The following SYT9 variants were observed in gnomAD, a reference collection of about 807,000 sequenced individuals.
SYT9 encodes the protein synaptotagmin-9.
In SYT9, 22 loss-of-function variants were observed where a neutral mutation model predicts 48.4. The ratio of observed to expected loss-of-function variants is 0.45; its 90% confidence interval spans 0.32 to 0.65. SYT9 has a LOEUF of 0.65. Among genes scored for constraint, SYT9 ranks in the 30% least tolerant of loss-of-function variants. SYT9 has a pLI of 0.03. For synonymous variants in SYT9, 265 were observed against 245.0 expected, an observed-to-expected ratio of 1.08 and a Z score of -0.76; for missense variants, 577 against 622.0, an observed-to-expected ratio of 0.93 and a Z score of 0.77.
At chr11:7,419,027 G>A in intron 5 of SYT9, among the ~76,000 whole-genome samples, 1 of 152,346 alleles carries the variant, frequency 6.6e-6, no homozygotes, top group East Asian at 1.9e-4. Context: ...GCAGATGCCT[G>A]CGTGAAGCAT....
chr11:7,248,348 C>G (rs2119736986), upstream of SYT9, among the ~76,000 whole-genome samples: 1 of 151,888 alleles, frequency 6.6e-6, no homozygotes, highest in East Asian at 1.9e-4. Flanking sequence ...AGAAATGTAT[C>G]TATCTTTGTT....
chr11:7,402,603 T>C (rs1482250486), intron 3 of SYT9, among the ~76,000 whole-genome samples: 1 of 152,308 alleles, frequency 6.6e-6, no homozygotes, highest in East Asian at 1.9e-4. Context: ...TCCATGGAAA[T>C]GTTCCTTAGT....
At chr11:7,396,621 A>G (rs1846758090) in intron 3 of SYT9, among the ~76,000 whole-genome samples, 1 of 152,054 alleles carries the variant, frequency 6.6e-6, no homozygotes, top group South Asian at 2.1e-4. Flanking sequence ...GTGTGGGATT[A>G]CTGGGTCATT....
chr11:7,282,973 T>TGA (rs893082681), intron 1 of SYT9, among the ~76,000 whole-genome samples: 1 of 138,300 alleles, frequency 7.2e-6, no homozygotes, highest in South Asian at 2.3e-4. Flanking sequence ...AAACAGAGAT[T>TGA]GAGAGAGAGA....
intron 3 of SYT9, among the ~76,000 whole-genome samples, chr11:7,394,207 T>C (rs1018135528): frequency 1.3e-5 from 2 of 150,738 alleles, no homozygotes; most frequent in African/African-American, 4.9e-5. Context: ...TGAGAACATG[T>C]GGTATTTGGT....
At chr11:7,382,368 A>C (rs1850581655) in intron 3 of SYT9, among the ~76,000 whole-genome samples, 1 of 152,164 alleles carries the variant, frequency 6.6e-6, no homozygotes, top group Non-Finnish European at 1.5e-5. Context: ...CTGAGAGAAG[A>C]GGGGCAATAG....
chr11:7,261,802 T>G (rs1848085481), intron 1 of SYT9, among the ~76,000 whole-genome samples: 1 of 152,062 alleles, frequency 6.6e-6, no homozygotes, highest in East Asian at 1.9e-4. Flanking sequence ...TTAGTATGAC[T>G]GTAGTGAGGT....
At chr11:7,364,702 G>A (rs1171545998) in intron 3 of SYT9, among the ~76,000 whole-genome samples, 1 of 152,200 alleles carries the variant, frequency 6.6e-6, no homozygotes, top group Non-Finnish European at 1.5e-5. Flanking sequence ...TACAGTTCAT[G>A]TGGATATTTA....
chr11:7,442,715 A>C (rs936962526), intron 6 of SYT9, among the ~76,000 whole-genome samples: 1 of 152,216 alleles, frequency 6.6e-6, no homozygotes, highest in Non-Finnish European at 1.5e-5. Flanking sequence ...AATGACAAGC[A>C]TCTGTCTCTC....
At chr11:7,376,015 C>T (rs919361362) in intron 3 of SYT9, among the ~76,000 whole-genome samples, 1 of 151,964 alleles carries the variant, frequency 6.6e-6, no homozygotes, top group Non-Finnish European at 1.5e-5. Flanking sequence ...GTGCTGTCTC[C>T]CTTTTCTAAA....
chr11:7,436,900 T>C (rs1292034673), intron 6 of SYT9, among the ~76,000 whole-genome samples: 4 of 152,186 alleles, frequency 2.6e-5, no homozygotes, highest in African/African-American at 7.2e-5. Flanking sequence ...TTATCTCATC[T>C]CTCTGAGGAT....
At chr11:7,249,883 C>T (rs1211310146), upstream of SYT9, among the ~76,000 whole-genome samples, 5 of 152,206 alleles carry the variant, frequency 3.3e-5, no homozygotes, top group Non-Finnish European at 5.9e-5. Context: ...AGTTTTTTCT[C>T]TTTAAACTAT....
intron 3 of SYT9, among the ~76,000 whole-genome samples, chr11:7,345,950 G>A (rs1316132174): frequency 6.6e-6 from 1 of 152,204 alleles, no homozygotes; most frequent in African/African-American, 2.4e-5. Context: ...TTGTATCATG[G>A]AAGTCACTAG....
chr11:7,374,757 C>T (rs139657500), intron 3 of SYT9, among the ~76,000 whole-genome samples: 38,749 of 151,910 alleles, frequency 0.26, 6,184 homozygotes, highest in East Asian at 0.62. Context: ...ACCCACTTTT[C>T]GATGGGGTTG....
intron 3 of SYT9, among the ~76,000 whole-genome samples, chr11:7,408,662 G>T (rs1271005451): frequency 6.6e-6 from 1 of 152,162 alleles, no homozygotes; most frequent in Non-Finnish European, 1.5e-5. Context: ...AAATGCTACT[G>T]ATTTTTGTAT....
At position 7,468,496 on chromosome 11, in the gene SYT9, C is replaced by G. The variant is rs188954568; in HGVS notation, c.*1696C>G. On this transcript the variant is annotated 3_prime_UTR_variant, in exon 7 of 7. Coordinates refer to ENST00000318881, the MANE Select transcript of SYT9 (RefSeq NM_175733.4). Reference sequence around the variant, plus strand: ...GGCTTCCTCTGCTCAAGGTTCCCCTCTGCTCATCCCTCCTCATTCAGACAT... The same window carrying G: ...GGCTTCCTCTGCTCAAGGTTCCCCTGTGCTCATCCCTCCTCATTCAGACAT... 3.3e-4 allele frequency: 132 copies of G among 394,382 alleles called. 1 individual carries two copies. Among genetic ancestry groups the G allele is most frequent in the African/African-American group, 2.4e-3 (116 of 48,686 alleles). The allele number at this position is 394,382 out of a possible 1,614,324, so 24.4% of individuals were successfully genotyped here.
At chr11:7,384,161 G>A (rs1850615630) in intron 3 of SYT9, among the ~76,000 whole-genome samples, 2 of 151,486 alleles carry the variant, frequency 1.3e-5, no homozygotes, top group Admixed American at 6.6e-5. Context: ...AATTATTCAT[G>A]TTTGTATCAT....
At chr11:7,431,864 G>A (rs187922949) in intron 6 of SYT9, among the ~76,000 whole-genome samples, 165 of 152,362 alleles carry the variant, frequency 1.1e-3, no homozygotes, top group Non-Finnish European at 1.9e-3. Context: ...GCTTCTGCCT[G>A]GATTTCAGAG....
At chr11:7,402,988 T>G (rs984521151) in intron 3 of SYT9, among the ~76,000 whole-genome samples, 1 of 152,178 alleles carries the variant, frequency 6.6e-6, no homozygotes, top group Admixed American at 6.6e-5. Context: ...ATTTTAGTAT[T>G]TGAAATTATA....
Sources: allele counts gnomAD v4.1 joint callset (sites outside exome capture counted in the v4.1 genomes callset), GRCh38; gene constraint gnomAD v4.1.1; transcripts MANE v1.5; gene names NCBI Gene and HGNC (gene_info 2026-07-23, HGNC 2026-07-21).